The following SV2C variants were observed in gnomAD, a reference collection of about 807,000 sequenced individuals.
The protein encoded by SV2C is solute carrier family 22 member B3.
Under a neutral mutation model 79.7 loss-of-function variants are expected in SV2C, and 49 were observed. The observed-to-expected ratio is 0.61, with a 90% CI of 0.49 to 0.78. The LOEUF is 0.78. SV2C is among the 30% of genes least tolerant of loss of function. The pLI is 0.00. For missense variants in SV2C, 833 were observed against 912.9 expected (o/e 0.91, Z 1.13); for synonymous variants, 334 against 333.2 (o/e 1.00, Z -0.03).
chr5:75,889,342 C>T, the SV2C span, among the ~76,000 whole-genome samples: 6 of 143,440 alleles, frequency 4.2e-5, no homozygotes, highest in African/African-American at 7.7e-5. Context: ...TGAATGAGAA[C>T]ATGTGGTGTT....
chr5:76,084,669 G>A (rs1384481015), intron 1 of SV2C, among the ~76,000 whole-genome samples: 1 of 124,548 alleles, frequency 8.0e-6, no homozygotes, highest in Admixed American at 1.0e-4. Context: ...TGCGAGTGAT[G>A]CAAATGCAGA....
At chr5:76,046,234 A>G in the SV2C span, among the ~76,000 whole-genome samples, 2 of 152,166 alleles carry the variant, frequency 1.3e-5, no homozygotes, top group East Asian at 3.8e-4. Flanking sequence ...GTTTAGAGAA[A>G]CTAAGACACT....
At chr5:76,078,691 T>A, upstream of SV2C, 1 of 486,698 alleles carries the variant, frequency 2.1e-6, no homozygotes, top group Non-Finnish European at 4.1e-6. Context: ...CACAGCAAGA[T>A]CAACTTCATG....
intron 2 of SV2C, among the ~76,000 whole-genome samples, chr5:76,142,377 C>T (rs1749281413): frequency 6.6e-6 from 1 of 152,126 alleles, no homozygotes; most frequent in Non-Finnish European, 1.5e-5. Flanking sequence ...AAATTATTTT[C>T]ACATCTCTCT....
intron 2 of SV2C, among the ~76,000 whole-genome samples, chr5:76,145,502 A>C (rs1749391831): frequency 6.6e-6 from 1 of 152,230 alleles, no homozygotes; most frequent in Admixed American, 6.5e-5. Flanking sequence ...ATTACCAAAA[A>C]TATCTTAGTC....
chr5:76,349,375 T>C (rs912081843), intron 12 of SV2C, among the ~76,000 whole-genome samples: 1 of 152,064 alleles, frequency 6.6e-6, no homozygotes, highest in Non-Finnish European at 1.5e-5. Context: ...TAGCCAGGCA[T>C]GGTGACGCGC....
intron 1 of SV2C, among the ~76,000 whole-genome samples, chr5:76,118,780 G>A (rs1292433122): frequency 2.0e-5 from 3 of 152,140 alleles, no homozygotes; most frequent in East Asian, 1.9e-4. Flanking sequence ...ACAGGAGTTC[G>A]AGACCAGCCT....
chr5:76,024,679 T>A, the SV2C span, among the ~76,000 whole-genome samples: 2 of 152,186 alleles, frequency 1.3e-5, no homozygotes, highest in Admixed American at 6.6e-5. Context: ...TTAAAATATA[T>A]TGTGCCCCAG....
intron 2 of SV2C, among the ~76,000 whole-genome samples, chr5:76,146,797 TAAAAAA>T (rs34569063): frequency 1.0e-4 from 4 of 39,348 alleles, no homozygotes; most frequent in East Asian, 1.0e-3. Flanking sequence ...AGTTTTTTTT[TAAAAAA>T]AAAAAAAAAA....
intron 4 of SV2C, among the ~76,000 whole-genome samples, chr5:76,244,517 A>G (rs1745888691): frequency 6.6e-6 from 1 of 152,242 alleles, no homozygotes; most frequent in Admixed American, 6.5e-5. Context: ...TAACCCAACA[A>G]ATATCCAAAA....
At chr5:76,300,542 T>C (rs1342595354) in intron 10 of SV2C, among the ~76,000 whole-genome samples, 187 bp from the exon 11 acceptor site, 2 of 152,144 alleles carry the variant, frequency 1.3e-5, no homozygotes, top group African/African-American at 4.8e-5. Context: ...ACCTACTTTA[T>C]GATGTGAAGA....
intron 2 of SV2C, among the ~76,000 whole-genome samples, chr5:76,152,552 A>G (rs1749636071): frequency 6.6e-6 from 1 of 152,214 alleles, no homozygotes; most frequent in Admixed American, 6.5e-5. Flanking sequence ...GTACCTCTGG[A>G]TTAAAAATAA....
At chr5:75,850,811 G>T in the SV2C span, among the ~76,000 whole-genome samples, 73 of 152,266 alleles carry the variant, frequency 4.8e-4, no homozygotes, top group Non-Finnish European at 7.4e-4. Flanking sequence ...TTATAGAATG[G>T]TGCTGTGCTG....
At chr5:75,885,866 T>C in the SV2C span, among the ~76,000 whole-genome samples, 1,488 of 152,204 alleles carry the variant, frequency 9.8e-3, 14 homozygotes, top group East Asian at 0.035. Context: ...CCCAAATCAA[T>C]GGGAAATGCT....
chr5:76,177,108 C>G (rs1326827116), intron 2 of SV2C, among the ~76,000 whole-genome samples: 1 of 116,376 alleles, frequency 8.6e-6, no homozygotes, highest in Non-Finnish European at 1.7e-5. Flanking sequence ...GAGCGAGACT[C>G]TGTCTCAAAA....
At chr5:75,934,319 T>TTTTTTC in the SV2C span, among the ~76,000 whole-genome samples, 14 of 146,976 alleles carry the variant, frequency 9.5e-5, no homozygotes, top group African/African-American at 3.7e-4. Context: ...TTTTTTTTTT[T>TTTTTTC]CACTGTCGCT....
At chr5:76,132,443 A>C (rs1748934035) in intron 2 of SV2C, 113 bp downstream of exon 2, 1 of 1,108,634 alleles carries the variant, frequency 9.0e-7, no homozygotes, top group Admixed American at 3.2e-5. Flanking sequence ...TTTTCTAACA[A>C]ATTTTTTATT....
chr5:76,209,684 C>T, intron 3 of SV2C, 52 bp from the exon 4 acceptor site: 1 of 1,574,846 alleles, frequency 6.3e-7, no homozygotes, highest in Non-Finnish European at 8.7e-7. Context: ...CTTTGCGTCT[C>T]ACATGAGCTG....
At chr5:76,097,123 A>G (rs971883058) in intron 1 of SV2C, among the ~76,000 whole-genome samples, 10 of 152,154 alleles carry the variant, frequency 6.6e-5, no homozygotes, top group Non-Finnish European at 1.2e-4. Flanking sequence ...ACAGTGCACA[A>G]TACAGTTCCA....
Sources: gnomAD v4.1 joint callset for allele counts (sites outside exome capture counted in the v4.1 genomes callset) on GRCh38, gnomAD v4.1.1 for gene constraint, MANE v1.5 for transcripts, NCBI Gene and HGNC (gene_info 2026-07-23, HGNC 2026-07-21) for gene names.